TIMP3: variants seen among roughly 807,000 people sequenced by gnomAD.
The protein encoded by TIMP3 is metalloproteinase inhibitor 3.
TIMP3 carries 11 observed loss-of-function variants against 30.0 expected under a neutral mutation model. The ratio of observed to expected loss-of-function variants is 0.37; its 90% CI spans 0.23 to 0.61. The LOEUF (loss-of-function observed/expected upper bound fraction) is 0.61. TIMP3 is among the 20% of genes least tolerant of loss of function. TIMP3 has a pLI of 0.70. For missense variants in TIMP3, 181 were observed against 276.8 expected, an observed-to-expected ratio of 0.65 and a Z score of 2.45; for synonymous variants, 112 against 111.3, an observed-to-expected ratio of 1.01 and a Z score of -0.04.
chr22:32,820,269 C>CGTGTGT (rs374591413), intron 1 of TIMP3, among the ~76,000 whole-genome samples: 2 of 145,006 alleles, frequency 1.4e-5, no homozygotes, highest in East Asian at 2.0e-4. Context: ...TGTGCGTGCG[C>CGTGTGT]GTGTGTGTGT....
At chr22:32,831,582 T>C (rs747879052) in intron 1 of TIMP3, among the ~76,000 whole-genome samples, 53 of 152,164 alleles carry the variant, frequency 3.5e-4, no homozygotes, top group Non-Finnish European at 5.7e-4. Context: ...AGGACTAGCA[T>C]ATAATTGGAA....
intron 1 of TIMP3, chr22:32,833,778 T>C (rs942211863): frequency 2.0e-6 from 1 of 498,874 alleles, no homozygotes; most frequent in South Asian, 1.4e-5. Context: ...GATGGGCTAA[T>C]GACAACACTT....
At chr22:32,850,443 G>C (rs2048186093) in intron 2 of TIMP3, among the ~76,000 whole-genome samples, 1 of 152,130 alleles carries the variant, frequency 6.6e-6, no homozygotes. Context: ...AGGGTGTACT[G>C]GTGATTGCCT....
Position 32,837,062 on chromosome 22 carries a change from C to A in TIMP3, c.122-12390C>A, listed in dbSNP as rs1456901587. 1.3e-5 allele frequency among the ~76,000 whole-genome samples: 2 copies of A among 152,186 alleles called. No homozygotes were observed. Among genetic ancestry groups the A allele is most frequent in the Non-Finnish European group, 2.9e-5 (2 of 68,036 alleles). On this transcript the variant is annotated intron_variant, in intron 1 of 4. Coordinates refer to ENST00000266085, the MANE Select transcript of TIMP3 (RefSeq NM_000362.5). This position sits in a 1 kb window ranked among gnomAD's most constrained non-coding sequence, Gnocchi z 4.1. The stretch of plus-strand genomic sequence containing the variant: ...AGGCCTATCCCAGAGTCCCTCAGCT[C>A]TCCTAGCAAACAAAATCCCAATTAG...
intron 1 of TIMP3, among the ~76,000 whole-genome samples, chr22:32,838,258 G>T (rs60028774): frequency 1.8e-4 from 27 of 149,460 alleles, no homozygotes; most frequent in African/African-American, 4.4e-4. Flanking sequence ...AGGAGAAGGA[G>T]GGGGGGTGGC....
At chr22:32,811,742 G>A (rs557060885) in intron 1 of TIMP3, among the ~76,000 whole-genome samples, 4 of 152,262 alleles carry the variant, frequency 2.6e-5, no homozygotes, top group East Asian at 1.9e-4. Context: ...TGAGAATGGC[G>A]GGGTTCTGTG....
At chr22:32,817,199 C>T (rs5749521) in intron 1 of TIMP3, among the ~76,000 whole-genome samples, 44,266 of 150,784 alleles carry the variant, frequency 0.29, 7,494 homozygotes, top group African/African-American at 0.47. Flanking sequence ...GCCAGGGTGA[C>T]AGAGCAAGAC....
At position 32,836,369 on chromosome 22, in the gene TIMP3, C is replaced by T. The variant is rs529088193; in HGVS notation, c.122-13083C>T. 8.5e-5 allele frequency among the ~76,000 whole-genome samples: 13 copies of T among 152,350 alleles called. No individual in the cohort carries two copies. In the South Asian group the frequency reaches 2.5e-3, roughly 29 times the overall value. ...TGGTCTTCTCCTTCTTTATCAATGA[C>T]TCCATCTCCCTGTCACACTTCAAGG... On this transcript the variant is annotated intron_variant, in intron 1 of 4. Coordinates refer to ENST00000266085, the MANE Select transcript of TIMP3 (RefSeq NM_000362.5).
chr22:32,834,689 C>T (rs2047679003), intron 1 of TIMP3, among the ~76,000 whole-genome samples: 1 of 152,208 alleles, frequency 6.6e-6, no homozygotes, highest in Non-Finnish European at 1.5e-5. Context: ...CATTACAGCC[C>T]TCCTTCAAAG....
intron 2 of TIMP3, among the ~76,000 whole-genome samples, chr22:32,850,013 T>G (rs1360817491): frequency 1.3e-5 from 2 of 151,478 alleles, no homozygotes; most frequent in African/African-American, 2.4e-5. Flanking sequence ...AATCTTTACA[T>G]GGAAACTGTG....
intron 1 of TIMP3, among the ~76,000 whole-genome samples, chr22:32,844,712 C>G (rs1054172522): frequency 7.0e-6 from 1 of 143,824 alleles, no homozygotes; most frequent in African/African-American, 2.5e-5. Flanking sequence ...CTTCTTCTTC[C>G]TTTTTTTTTT....
Position 32,859,520 on chromosome 22 carries a change from C to A in TIMP3, c.*143C>A. The A allele has an allele frequency of 1.9e-6, 2 of 1,074,750 alleles. No homozygotes were observed. Among genetic ancestry groups the A allele is most frequent in the Non-Finnish European group, 2.7e-6 (2 of 754,080 alleles). 66.6% of individuals were successfully genotyped at this position (1,074,750 alleles called of 1,614,324 possible). ...TGGAACATTTAAAGAAAGGTCTATG[C>A]TGTCATATGGGGTTTATTGGGAACT... On this transcript the variant is annotated 3_prime_UTR_variant, in exon 5 of 5. Transcript: ENST00000266085.
intron 1 of TIMP3, among the ~76,000 whole-genome samples, chr22:32,814,035 A>G (rs1280327281): frequency 4.0e-5 from 6 of 151,698 alleles, no homozygotes; most frequent in Non-Finnish European, 8.8e-5. Flanking sequence ...GTTAGTAGGC[A>G]TTCAATAAAA....
At chr22:32,858,489 G>A (rs1434956167) in intron 4 of TIMP3, among the ~76,000 whole-genome samples, 1 of 152,124 alleles carries the variant, frequency 6.6e-6, no homozygotes, top group Non-Finnish European at 1.5e-5. Flanking sequence ...GGTTTCAAGT[G>A]GGCTCACCCT....
chr22:32,821,734 A>C (rs1037331350), intron 1 of TIMP3, among the ~76,000 whole-genome samples: 1 of 152,122 alleles, frequency 6.6e-6, no homozygotes, highest in African/African-American at 2.4e-5. Context: ...GGTATTTGTC[A>C]CTGTCCCACG....
chr22:32,813,513 ACAC>A lies in TIMP3; in HGVS notation c.121+11392_121+11394del, dbSNP rs1569244203. On this transcript the variant is annotated intron_variant, in intron 1 of 4. Coordinates refer to ENST00000266085, the MANE Select transcript of TIMP3 (RefSeq NM_000362.5). ...CACACACACACACACACACACACAC[ACAC>A]ACACACACACACACACACACGTGGA... Among the ~76,000 whole-genome samples the A allele has an allele frequency of 9.3e-3, 1,404 of 150,196 alleles. 25 individuals carry two copies. Among genetic ancestry groups the A allele is most frequent in the African/African-American group, 0.034 (1,350 of 39,812 alleles).
chr22:32,850,042 T>A (rs753961353), intron 2 of TIMP3, among the ~76,000 whole-genome samples: 8 of 151,018 alleles, frequency 5.3e-5, no homozygotes, highest in Non-Finnish European at 1.2e-4. Context: ...AGGAACCTCA[T>A]CCCAAGGCAG....
At chr22:32,828,022 G>A (rs1003930386) in intron 1 of TIMP3, among the ~76,000 whole-genome samples, 1 of 152,106 alleles carries the variant, frequency 6.6e-6, no homozygotes, top group Admixed American at 6.5e-5. Context: ...ATCATATTGG[G>A]TATTTGTCTT....
intron 1 of TIMP3, among the ~76,000 whole-genome samples, chr22:32,805,234 C>T (rs1206290546): frequency 4.6e-5 from 7 of 152,152 alleles, no homozygotes; most frequent in Non-Finnish European, 8.8e-5. Context: ...GCATGAGGCT[C>T]AGCTGGGGGG....
Sources: allele counts gnomAD v4.1 joint callset (sites outside exome capture counted in the v4.1 genomes callset), GRCh38; gene constraint gnomAD v4.1.1; non-coding constraint Gnocchi (gnomAD v3.1); transcripts MANE v1.5; gene names NCBI Gene and HGNC (gene_info 2026-07-23, HGNC 2026-07-21).